Variants in SLC39A12 observed in about 807,000 individuals in gnomAD.
The protein encoded by SLC39A12 is solute carrier family 39 member 12.
SLC39A12 carries 63 observed loss-of-function variants against 71.1 expected under a neutral mutation model. The ratio of observed to expected loss-of-function variants is 0.89; its 90% CI spans 0.72 to 1.09. The LOEUF is 1.09. Among genes scored for constraint, SLC39A12 ranks in the 50% least tolerant of loss-of-function variants. SLC39A12 has a pLI of 0.00. For synonymous variants in SLC39A12, 351 were observed against 301.3 expected (o/e 1.16, Z -1.71); for missense variants, 892 against 812.6 (o/e 1.10, Z -1.19).
intron 12 of SLC39A12, among the ~76,000 whole-genome samples, chr10:18,019,030 G>C (rs181015523): frequency 6.6e-6 from 1 of 152,208 alleles, no homozygotes; most frequent in Non-Finnish European, 1.5e-5. Flanking sequence ...GGTGATTTCT[G>C]TTTGGAGAGG....
chr10:18,010,080 C>A (rs1174954888), intron 12 of SLC39A12, among the ~76,000 whole-genome samples: 1 of 152,158 alleles, frequency 6.6e-6, no homozygotes, highest in Non-Finnish European at 1.5e-5. Context: ...ATCCCATTCC[C>A]TCCTCCCCAT....
chr10:17,958,257 T>A (rs1204475534), intron 2 of SLC39A12, among the ~76,000 whole-genome samples: 1 of 152,142 alleles, frequency 6.6e-6, no homozygotes, highest in Admixed American at 6.5e-5. Flanking sequence ...TGCCATGTGC[T>A]CATACACCAA....
intron 6 of SLC39A12, among the ~76,000 whole-genome samples, chr10:17,986,827 G>A (rs1835410536): frequency 6.6e-6 from 1 of 152,090 alleles, no homozygotes; most frequent in Non-Finnish European, 1.5e-5. Context: ...GTAATACAGT[G>A]AGACCCTATC....
intron 9 of SLC39A12, among the ~76,000 whole-genome samples, chr10:17,995,258 G>A (rs1054193929): frequency 1.3e-5 from 2 of 152,202 alleles, no homozygotes; most frequent in East Asian, 3.8e-4. Context: ...ACTGCTCACA[G>A]GTTAGAGGAT....
chr10:17,997,775 T>G (rs1197659964), intron 10 of SLC39A12, among the ~76,000 whole-genome samples: 1 of 152,170 alleles, frequency 6.6e-6, no homozygotes, highest in African/African-American at 2.4e-5. Context: ...CAACTTGTGT[T>G]TCAAAGACAA....
rs529226378 is a variant in SLC39A12 at position 18,006,104 on chromosome 10, T to C, written c.1947+2746T>C. Among the ~76,000 whole-genome samples, 3 of 152,260 alleles carry C rather than the reference T, an allele frequency of 2.0e-5. No homozygotes were observed. The South Asian group carries it at 6.2e-4, about 32-fold the overall frequency. ...CTAAGGGGTAAAGGGGAACACTAGA[T>C]GGAATATACTAGTTAATTGCTAAAT... On this transcript the variant is annotated intron_variant, in intron 12 of 12. Coordinates refer to ENST00000377369, the MANE Select transcript of SLC39A12 (RefSeq NM_001145195.2).
At chr10:17,995,237 A>C (rs1835654484) in intron 9 of SLC39A12, among the ~76,000 whole-genome samples, 1 of 152,238 alleles carries the variant, frequency 6.6e-6, no homozygotes, top group Admixed American at 6.5e-5. Context: ...TTTTCCATCC[A>C]AAATACATCG....
intron 2 of SLC39A12, among the ~76,000 whole-genome samples, chr10:17,958,424 A>G (rs148762375): frequency 1.1e-3 from 168 of 152,202 alleles, no homozygotes; most frequent in Non-Finnish European, 2.1e-3. Context: ...CCTTGTTCTG[A>G]TTGATGTTAG....
chr10:17,970,674 TTGTGTGTGTGTG>T (rs61528284), intron 4 of SLC39A12, among the ~76,000 whole-genome samples: 4,540 of 145,504 alleles, frequency 0.031, 161 homozygotes, highest in South Asian at 0.091. Flanking sequence ...TTCTAATAGT[TTGTGTGTGTGTG>T]TGTGTGTGTG....
At chr10:17,987,207 C>T (rs1397891415) in intron 6 of SLC39A12, among the ~76,000 whole-genome samples, 1 of 151,920 alleles carries the variant, frequency 6.6e-6, no homozygotes, top group Non-Finnish European at 1.5e-5. Context: ...TGATGGTGTG[C>T]ACCTGTTGTC....
intron 6 of SLC39A12, among the ~76,000 whole-genome samples, chr10:17,985,209 G>A (rs572782387): frequency 3.9e-5 from 6 of 152,256 alleles, no homozygotes; most frequent in South Asian, 2.1e-4. Flanking sequence ...CAGACATGGT[G>A]GTGGGCACCT....
At chr10:18,030,107 T>A (rs72780032) in intron 12 of SLC39A12, among the ~76,000 whole-genome samples, 8,798 of 151,572 alleles carry the variant, frequency 0.058, 388 homozygotes, top group East Asian at 0.21. Flanking sequence ...GCTGGGTTTC[T>A]CACCGAATTG....
chr10:17,974,367 A>G (rs1835051078), intron 4 of SLC39A12, among the ~76,000 whole-genome samples: 1 of 152,174 alleles, frequency 6.6e-6, no homozygotes, highest in South Asian at 2.1e-4. Flanking sequence ...TATTTATTGT[A>G]GTCATCACTG....
intron 12 of SLC39A12, among the ~76,000 whole-genome samples, chr10:18,016,755 T>G (rs1836396786): frequency 6.6e-6 from 1 of 152,182 alleles, no homozygotes; most frequent in African/African-American, 2.4e-5. Context: ...TGTATGGAGG[T>G]ATTTCATTGT....
intron 6 of SLC39A12, among the ~76,000 whole-genome samples, chr10:17,983,992 G>A (rs1426830705): frequency 6.6e-6 from 1 of 152,166 alleles, no homozygotes; most frequent in African/African-American, 2.4e-5. Context: ...CACCATCTTC[G>A]ATTAAGTTTC....
At chr10:17,960,227 C>T (rs1306579620) in intron 2 of SLC39A12, among the ~76,000 whole-genome samples, 4 of 152,170 alleles carry the variant, frequency 2.6e-5, no homozygotes, top group African/African-American at 9.7e-5. Context: ...TGTATAGGTT[C>T]ATCTCAGCAT....
intron 12 of SLC39A12, among the ~76,000 whole-genome samples, chr10:18,033,045 G>A (rs938835064): frequency 1.3e-5 from 2 of 151,386 alleles, no homozygotes; most frequent in African/African-American, 2.4e-5. Context: ...TGCCGGATTC[G>A]GTTTGCCAGT....
chr10:18,007,532 A>G (rs953093417), intron 12 of SLC39A12, among the ~76,000 whole-genome samples: 3 of 152,222 alleles, frequency 2.0e-5, no homozygotes, highest in Non-Finnish European at 4.4e-5. Context: ...CACAGTGCAA[A>G]GAAAAAACAA....
intron 12 of SLC39A12, among the ~76,000 whole-genome samples, chr10:18,040,351 G>T (rs1837186762): frequency 6.6e-6 from 1 of 152,126 alleles, no homozygotes; most frequent in Admixed American, 6.5e-5. Context: ...TGAGTCCATT[G>T]CTCCATGCCG....
Sources: gnomAD v4.1 joint callset for allele counts (sites outside exome capture counted in the v4.1 genomes callset) on GRCh38, gnomAD v4.1.1 for gene constraint, MANE v1.5 for transcripts, NCBI Gene and HGNC (gene_info 2026-07-23, HGNC 2026-07-21) for gene names.